SLC66A2: variants seen among roughly 807,000 people sequenced by gnomAD.
The protein encoded by SLC66A2 is solute carrier family 66 member 2.
A neutral mutation model predicts 25.5 loss-of-function variants in SLC66A2; 23 were observed. The observed-to-expected ratio is 0.90, with a 90% CI of 0.65 to 1.28. SLC66A2 has a LOEUF of 1.28. Ranked by LOEUF, SLC66A2 falls within the 50% of genes most tolerant of loss-of-function variation. The probability of loss-of-function intolerance (pLI) is 0.00; values close to 1 mark genes in which losing one functional copy is unlikely to be tolerated. For missense variants in SLC66A2, 396 were observed against 373.1 expected, an observed-to-expected ratio of 1.06 and a Z score of -0.51; for synonymous variants, 193 against 166.5, an observed-to-expected ratio of 1.16 and a Z score of -1.23.
intron 2 of SLC66A2, chr18:79,944,228 A>T (rs1357636772): frequency 6.5e-6 from 1 of 153,008 alleles, no homozygotes; most frequent in Non-Finnish European, 1.5e-5. Flanking sequence ...CCAGGCAAAA[A>T]GCCCAGTTTC....
chr18:79,907,334 GTTT>G (rs57635823), intron 5 of SLC66A2, among the ~76,000 whole-genome samples: 1 of 116,896 alleles, frequency 8.6e-6, no homozygotes, highest in Non-Finnish European at 1.7e-5. Context: ...TCTTTGTATA[GTTT>G]TTTTTTTTTT....
In SLC66A2 at chr18:79,904,012, G is replaced by A. The variant is rs1469750410; in HGVS notation, c.780C>T (p.Pro260=). 2 of 1,605,992 alleles carry A rather than the reference G, an allele frequency of 1.2e-6. No homozygotes were observed. Among genetic ancestry groups the A allele is most frequent in the Non-Finnish European group, 1.7e-6 (2 of 1,177,238 alleles). The change falls in exon 6 of 6, where the codon CCC becomes CCT. Residue 260 remains proline, a synonymous_variant. Transcript: ENST00000397778. This position sits in a 1 kb window ranked among gnomAD's most constrained non-coding sequence, Gnocchi z 6.3. ...TGGTGCCAGTGGGGTGCACGGCGTGGGGCGCCGGCTTCTGGGGGTGGCGGG... is the reference window on the plus strand; with the variant it reads ...TGGTGCCAGTGGGGTGCACGGCGTGAGGCGCCGGCTTCTGGGGGTGGCGGG... ...AFARHPQKPA[P]HAVHPTGTKA...
rs949860338 is a variant in SLC66A2, at chr18:79,941,943, G to A, written c.337+1386C>T. On this transcript the variant is annotated intron_variant, in intron 3 of 5. Coordinates refer to ENST00000397778, the MANE Select transcript of SLC66A2 (RefSeq NM_025078.5). The surrounding 1 kb of genome is among the most constrained non-coding windows in gnomAD (Gnocchi z 4.1). The stretch of plus-strand genomic sequence containing the variant: ...GCACTGGGCATCTTAGGCACAAACC[G>A]TTCTCTCGGCCAGCCGGCCCTCCCA... Among the ~76,000 whole-genome samples the A allele has an allele frequency of 6.6e-6, 1 of 152,196 alleles. No individual in the cohort carries two copies. Among genetic ancestry groups the A allele is most frequent in the Non-Finnish European group, 1.5e-5 (1 of 68,040 alleles).
chr18:79,903,962 C>A lies in SLC66A2; in HGVS notation c.*14G>T, dbSNP rs369007184. On this transcript the variant is annotated 3_prime_UTR_variant, in exon 6 of 6. Coordinates refer to ENST00000397778, the MANE Select transcript of SLC66A2 (RefSeq NM_025078.5). ...CCCGCGGCTGGCGGTCCCACATCCTCGTCCTCCCCACTGTCAGAGGGCCTT... is the reference window on the plus strand; with the variant it reads ...CCCGCGGCTGGCGGTCCCACATCCTAGTCCTCCCCACTGTCAGAGGGCCTT... 2.5e-6 allele frequency: 4 copies of A among 1,584,066 alleles called. No individual in the cohort carries two copies. The Admixed American group carries it at 7.3e-5, about 29-fold the overall frequency.
chr18:79,950,425 G>A (rs887299471), intron 2 of SLC66A2, among the ~76,000 whole-genome samples: 2 of 152,206 alleles, frequency 1.3e-5, no homozygotes, highest in Non-Finnish European at 2.9e-5. Context: ...CCACAGGCAG[G>A]CCTAGGCCAG....
rs1441179734 is a variant in SLC66A2 at position 79,904,653 on chromosome 18, C to G, written c.609-470G>C. Among the ~76,000 whole-genome samples, 1 of 152,138 alleles carries G rather than the reference C, an allele frequency of 6.6e-6. No homozygotes were observed. The highest frequency in any genetic ancestry group is 1.5e-5 in the Non-Finnish European group (1 of 68,000). On this transcript the variant is annotated intron_variant, in intron 5 of 5. Transcript: ENST00000397778. This position sits in a 1 kb window ranked among gnomAD's most constrained non-coding sequence, Gnocchi z 6.3. The stretch of plus-strand genomic sequence containing the variant: ...GGACGCAGATCTGTGCCCCCAGGCA[C>G]ACAGCCAAGTGGAGCAGAGCAGCTG...
chr18:79,925,303 ACAAGAACAAAAGGG>A (rs1322308578), intron 4 of SLC66A2, among the ~76,000 whole-genome samples: 1 of 152,156 alleles, frequency 6.6e-6, no homozygotes, highest in Non-Finnish European at 1.5e-5. Flanking sequence ...GGCTCTGAGA[ACAAGAACAAAAGGG>A]CAAGAACGCA....
intron 3 of SLC66A2, 146 bp from the exon 4 acceptor site, chr18:79,934,168 T>C (rs2277725): frequency 8.6e-6 from 6 of 696,240 alleles, no homozygotes; most frequent in Non-Finnish European, 1.2e-5. Context: ...GATCACAAGA[T>C]TTTGGTTTTT....
Position 79,940,934 on chromosome 18 carries a change from G to A in SLC66A2, c.337+2395C>T, listed in dbSNP as rs1195211306. Among the ~76,000 whole-genome samples, 1 of 152,050 alleles carries A rather than the reference G, an allele frequency of 6.6e-6. No individual in the cohort carries two copies. Among genetic ancestry groups the A allele is most frequent in the African/African-American group, 2.4e-5 (1 of 41,382 alleles). Reference sequence around the variant, plus strand: ...TGCAGCTTGGTTCTCAGTCCTCCCCGGGGGAGGGCAGGCACAGGTCACCCA... The same window carrying A: ...TGCAGCTTGGTTCTCAGTCCTCCCCAGGGGAGGGCAGGCACAGGTCACCCA... On this transcript the variant is annotated intron_variant, in intron 3 of 5. Coordinates refer to ENST00000397778, the MANE Select transcript of SLC66A2 (RefSeq NM_025078.5). This position sits in a 1 kb window ranked among gnomAD's most constrained non-coding sequence, Gnocchi z 4.1.
At chr18:79,914,524 G>A (rs368514065) in intron 5 of SLC66A2, among the ~76,000 whole-genome samples, 20 of 152,194 alleles carry the variant, frequency 1.3e-4, no homozygotes, top group African/African-American at 4.3e-4. Context: ...CGGAGGAACA[G>A]GCAGGTACCA....
rs1407224102 is a variant in SLC66A2, at chr18:79,941,218, T to C, written c.337+2111A>G. 6.6e-6 allele frequency among the ~76,000 whole-genome samples: 1 copy of C among 152,216 alleles called. No individual in the cohort carries two copies. The highest frequency in any genetic ancestry group is 1.5e-5 in the Non-Finnish European group (1 of 68,030). ...CTCAGCTCCCCGTGGTCGGGGGCTC[T>C]GCTGCCTGTAAAGCGACGGCCGACC... On this transcript the variant is annotated intron_variant, in intron 3 of 5. Coordinates refer to ENST00000397778, the MANE Select transcript of SLC66A2 (RefSeq NM_025078.5). This position sits in a 1 kb window ranked among gnomAD's most constrained non-coding sequence, Gnocchi z 4.1.
intron 4 of SLC66A2, among the ~76,000 whole-genome samples, chr18:79,923,131 G>A (rs12955612): frequency 2.7e-5 from 4 of 150,384 alleles, no homozygotes; most frequent in African/African-American, 7.4e-5. Flanking sequence ...ACAGCGGGGC[G>A]TGGGCTCATG....
chr18:79,918,878 G>A lies in SLC66A2; in HGVS notation c.608+306C>T, dbSNP rs930390612. The stretch of plus-strand genomic sequence containing the variant: ...AGGCTGGTTGCCCTGCACTCCTCCT[G>A]CCCCGTCTGGCCAGGCACTCGGACA... On this transcript the variant is annotated intron_variant, in intron 5 of 5. Transcript: ENST00000397778. This position sits in a 1 kb window ranked among gnomAD's most constrained non-coding sequence, Gnocchi z 4.0. 7.2e-5 allele frequency among the ~76,000 whole-genome samples: 11 copies of A among 152,320 alleles called. No individual in the cohort carries two copies. The highest frequency in any genetic ancestry group is 3.4e-3 in the Middle Eastern group (1 of 294).
chr18:79,947,242 C>G (rs1264374462), intron 2 of SLC66A2: 1 of 152,292 alleles, frequency 6.6e-6, no homozygotes, highest in Non-Finnish European at 1.5e-5. Context: ...ATCATTTAGC[C>G]CTTCTCCTGG....
In SLC66A2 at chr18:79,950,728, A is replaced by G; in HGVS notation, c.199T>C (p.Phe67Leu). Residue 67 changes from phenylalanine (F) to leucine (L), a missense_variant, in exon 2 of 6, where the codon TTC becomes CTC. Transcript: ENST00000397778. Reference protein sequence around the residue: ...LLVANILRILFWFGRRFESPL... With the variant: ...LLVANILRILLWFGRRFESPL... ...GAAAGCAAGCCCCCAACTTACCAGA[A>G]GAGTATCCGCAAAATGTTGGCCACC... 3 of 1,613,054 alleles carry G rather than the reference A, an allele frequency of 1.9e-6. No individual in the cohort carries two copies. Among genetic ancestry groups the G allele is most frequent in the Non-Finnish European group, 2.5e-6 (3 of 1,179,924 alleles).
Position 79,950,901 on chromosome 18 carries a change from A to T in SLC66A2, c.26T>A (p.Leu9His), listed in dbSNP as rs771888362. The change falls in exon 2 of 6, where the codon CTC becomes CAC. Residue 9 changes from leucine (L) to histidine (H), a missense_variant. Physicochemically the swap from Leu to His is moderately conservative, Grantham distance 99. Coordinates refer to ENST00000397778, the MANE Select transcript of SLC66A2 (RefSeq NM_025078.5). The part of the protein sequence containing the change: MEAEGLDW[L>H]LVPLHQLVSW... ...CACCAGCTGGTGCAGTGGCACCAGGAGCCAGTCCAGGCCCTCGGCCTCCAT... is the reference window on the plus strand; with the variant it reads ...CACCAGCTGGTGCAGTGGCACCAGGTGCCAGTCCAGGCCCTCGGCCTCCAT... 9.5e-5 allele frequency: 151 copies of T among 1,590,784 alleles called. No individual in the cohort carries two copies. The highest frequency in any genetic ancestry group is 1.2e-4 in the Non-Finnish European group (145 of 1,169,952).
rs528605261 is a variant in SLC66A2, at chr18:79,918,390, G to A, written c.608+794C>T. ...GTGTTCTCCGTGAGGAGCGGGCACC[G>A]GGGGGCGGATCCCCAGTGAGGAGCG... is the stretch of plus-strand genomic sequence containing the variant. On this transcript the variant is annotated intron_variant, in intron 5 of 5. Transcript: ENST00000397778. This position sits in a 1 kb window ranked among gnomAD's most constrained non-coding sequence, Gnocchi z 4.0. Among the ~76,000 whole-genome samples the A allele has an allele frequency of 2.9e-4, 44 of 151,668 alleles. No homozygotes were observed. Among genetic ancestry groups the A allele is most frequent in the African/African-American group, 7.7e-4 (32 of 41,392 alleles).
Position 79,903,801 on chromosome 18 carries a change from AG to A in SLC66A2, c.*174del. 1.7e-6 allele frequency: 1 copy of A among 584,942 alleles called. No individual in the cohort carries two copies. The highest frequency in any genetic ancestry group is 2.3e-5 in the South Asian group (1 of 43,356). 36.2% of individuals were successfully genotyped at this position (584,942 alleles called of 1,614,324 possible). The stretch of plus-strand genomic sequence containing the variant: ...CCCCGCTGAGCACAAACAGCGTCCC[AG>A]CCCCACCCCCACTGCCCACCCTGAG... On this transcript the variant is annotated 3_prime_UTR_variant, in exon 6 of 6. Transcript: ENST00000397778.
chr18:79,944,207 C>A (rs1209912748), intron 2 of SLC66A2: 1 of 153,234 alleles, frequency 6.5e-6, no homozygotes, highest in East Asian at 1.9e-4. Flanking sequence ...CCTGCAGCCT[C>A]CGGGTTGCCA....
Sources: allele counts gnomAD v4.1 joint callset (sites outside exome capture counted in the v4.1 genomes callset), GRCh38; gene constraint gnomAD v4.1.1; non-coding constraint Gnocchi (gnomAD v3.1); transcripts MANE v1.5; gene names NCBI Gene and HGNC (gene_info 2026-07-23, HGNC 2026-07-21).